The following UBXN2A variants were observed in gnomAD, a reference collection of about 807,000 sequenced individuals.
UBXN2A encodes the protein UBX domain protein 2A, also known as UBX domain-containing protein 2A.
UBXN2A carries 28 observed loss-of-function variants against 28.4 expected under a neutral mutation model. The ratio of observed to expected loss-of-function variants is 0.99; its 90% CI spans 0.73 to 1.35. The LOEUF (loss-of-function observed/expected upper bound fraction) is 1.35, where lower values mean the gene tolerates loss of function less well. UBXN2A is among the 40% of genes most tolerant of loss of function. UBXN2A has a pLI of 0.00. For synonymous variants in UBXN2A, 97 were observed against 103.6 expected (o/e 0.94, Z 0.39); for missense variants, 253 against 297.9 (o/e 0.85, Z 1.11).
At chr2:23,999,361 G>A (rs1167550850) in intron 6 of UBXN2A, among the ~76,000 whole-genome samples, 2 of 152,062 alleles carry the variant, frequency 1.3e-5, no homozygotes, top group Non-Finnish European at 2.9e-5. Flanking sequence ...AAATTTCTGG[G>A]AGTCAAACTT....
chr2:23,968,881 CTTTTTCT>C (rs1184622316), intron 2 of UBXN2A: 3 of 149,160 alleles, frequency 2.0e-5, no homozygotes, highest in South Asian at 2.1e-4. Context: ...GATAATATTT[CTTTTTCT>C]TTTTTCTTTT....
chr2:23,944,171 G>A, intron 1 of UBXN2A: 1 of 1,232,872 alleles, frequency 8.1e-7, no homozygotes, highest in Non-Finnish European at 1.2e-6. Flanking sequence ...TGTGTCTGGG[G>A]CCAGCACTGA....
rs547315253 is a variant in UBXN2A, at chr2:23,952,363, A to C, written c.-14-5938A>C. 7.5e-4 allele frequency among the ~76,000 whole-genome samples: 114 copies of C among 152,272 alleles called. 1 individual carries two copies. The highest frequency in any genetic ancestry group is 2.7e-3 in the African/African-American group (113 of 41,570). Reference sequence around the variant, plus strand: ...GCTGCAGCCTCAACTTCCTGGGCTCAAGCGATCATCCCATCTCAGCCTCCG... The same window carrying C: ...GCTGCAGCCTCAACTTCCTGGGCTCCAGCGATCATCCCATCTCAGCCTCCG... On this transcript the variant is annotated intron_variant, in intron 1 of 6. Coordinates refer to ENST00000309033, the MANE Select transcript of UBXN2A (RefSeq NM_181713.4).
intron 1 of UBXN2A, among the ~76,000 whole-genome samples, chr2:23,947,921 C>T (rs900202753): frequency 6.6e-6 from 1 of 151,908 alleles, no homozygotes; most frequent in Non-Finnish European, 1.5e-5. Context: ...ATGGCGGGGG[C>T]TCAGCTCCCT....
chr2:23,976,781 A>T (rs963133292), intron 3 of UBXN2A, among the ~76,000 whole-genome samples, 188 bp from the exon 4 acceptor site: 6 of 152,102 alleles, frequency 3.9e-5, no homozygotes, highest in African/African-American at 1.4e-4. Context: ...GGGTCTCGCT[A>T]TGTTGCCAGG....
chr2:23,987,355 G>A (rs909377756), intron 6 of UBXN2A, among the ~76,000 whole-genome samples: 2 of 152,082 alleles, frequency 1.3e-5, no homozygotes, highest in Non-Finnish European at 2.9e-5. Flanking sequence ...AATAACCACT[G>A]TCCTAAATTT....
upstream of UBXN2A, among the ~76,000 whole-genome samples, chr2:23,936,120 A>G (rs1212418309): frequency 1.3e-5 from 2 of 152,176 alleles, no homozygotes; most frequent in Admixed American, 6.5e-5. Flanking sequence ...AAAAATTGAA[A>G]GTAAGGAGTC....
intron 1 of UBXN2A, among the ~76,000 whole-genome samples, chr2:23,948,054 C>A (rs1706175786): frequency 6.6e-6 from 1 of 151,806 alleles, no homozygotes; most frequent in South Asian, 2.1e-4. Flanking sequence ...AGGGTTTCAT[C>A]ATGTTGGCCA....
At chr2:23,990,945 A>C (rs1264439049) in intron 6 of UBXN2A, among the ~76,000 whole-genome samples, 5 of 152,082 alleles carry the variant, frequency 3.3e-5, no homozygotes, top group Non-Finnish European at 7.4e-5. Flanking sequence ...CTCTTCTCCT[A>C]CCCACCAGCT....
In UBXN2A at chr2:23,968,630, G is replaced by A. The variant is rs546204951; in HGVS notation, c.42-2646G>A. Reference sequence around the variant, plus strand: ...GGAGCTTGCAGTGAGCCGAGATTGCGCCACTGCAGTCCAGCCTGGGGGACA... The same window carrying A: ...GGAGCTTGCAGTGAGCCGAGATTGCACCACTGCAGTCCAGCCTGGGGGACA... On this transcript the variant is annotated intron_variant, in intron 2 of 6. Coordinates refer to ENST00000309033, the MANE Select transcript of UBXN2A (RefSeq NM_181713.4). Among the ~76,000 whole-genome samples the A allele has an allele frequency of 3.3e-5, 5 of 150,098 alleles. No individual in the cohort carries two copies. The South Asian group carries it at 8.4e-4, about 25-fold the overall frequency.
intron 6 of UBXN2A, among the ~76,000 whole-genome samples, chr2:23,985,954 C>T (rs547969559): frequency 9.9e-5 from 15 of 152,122 alleles, no homozygotes; most frequent in Non-Finnish European, 1.5e-5. Flanking sequence ...CACCATTACA[C>T]TGCAAGCCTG....
chr2:23,946,049 C>G (rs1329541925), intron 1 of UBXN2A, among the ~76,000 whole-genome samples: 1 of 152,134 alleles, frequency 6.6e-6, no homozygotes, highest in Non-Finnish European at 1.5e-5. Context: ...CCAGCCTGGT[C>G]TCAAACTCCT....
At chr2:23,977,123 G>T (rs373117928) in intron 4 of UBXN2A, 48 bp downstream of exon 4, 1 of 1,476,568 alleles carries the variant, frequency 6.8e-7, no homozygotes, top group Non-Finnish European at 9.4e-7. Flanking sequence ...CAAAACTTTG[G>T]CAGGCTGTGG....
At chr2:23,947,614 A>G (rs1014866300) in intron 1 of UBXN2A, among the ~76,000 whole-genome samples, 2 of 152,198 alleles carry the variant, frequency 1.3e-5, no homozygotes, top group Non-Finnish European at 2.9e-5. Flanking sequence ...TACTAAATTT[A>G]TGATAGAAAA....
chr2:23,992,248 G>T (rs1267830102), intron 6 of UBXN2A, among the ~76,000 whole-genome samples: 1 of 152,168 alleles, frequency 6.6e-6, no homozygotes, highest in Non-Finnish European at 1.5e-5. Context: ...GGGATTACAG[G>T]CATGAGCCAC....
chr2:23,987,682 G>T (rs1708184274), intron 6 of UBXN2A, among the ~76,000 whole-genome samples: 1 of 151,488 alleles, frequency 6.6e-6, no homozygotes, highest in Non-Finnish European at 1.5e-5. Flanking sequence ...GGAGGCTGAG[G>T]CAGGAGAATG....
At chr2:23,997,653 G>A (rs908544144) in intron 6 of UBXN2A, among the ~76,000 whole-genome samples, 1 of 151,360 alleles carries the variant, frequency 6.6e-6, no homozygotes, top group Middle Eastern at 3.2e-3. Flanking sequence ...TCACCATGTT[G>A]GCCAGGATGG....
chr2:24,003,224 A>G lies in UBXN2A; in HGVS notation c.*3357A>G, dbSNP rs1708751267. The G allele has an allele frequency of 6.6e-6, 1 of 152,190 alleles. No homozygotes were observed. Among genetic ancestry groups the G allele is most frequent in the African/African-American group, 2.4e-5 (1 of 41,454 alleles). The allele number at this position is 152,190 out of a possible 1,614,324, so 9.4% of individuals were successfully genotyped here. ...TGTCCTAAGCTTTTACCCTGAGAAA[A>G]TAAAACCTGCATGCTTTCACCATGG... On this transcript the variant is annotated 3_prime_UTR_variant, in exon 7 of 7. Transcript: ENST00000309033.
chr2:23,981,494 AAAAAAAAAAAAAAT>A (rs1707901531), intron 4 of UBXN2A, among the ~76,000 whole-genome samples: 1 of 149,184 alleles, frequency 6.7e-6, no homozygotes, highest in Non-Finnish European at 1.5e-5. Context: ...AAAAAAAAAA[AAAAAAAAAAAAAAT>A]AGAAAAGTGC....
Sources: gnomAD v4.1 joint callset for allele counts (sites outside exome capture counted in the v4.1 genomes callset) on GRCh38, gnomAD v4.1.1 for gene constraint, MANE v1.5 for transcripts, NCBI Gene and HGNC (gene_info 2026-07-23, HGNC 2026-07-21) for gene names.